The following AGPAT5 variants were observed in gnomAD, a reference collection of about 807,000 sequenced individuals.
AGPAT5 encodes the protein 1-acyl-sn-glycerol-3-phosphate acyltransferase epsilon.
Under a neutral mutation model 45.6 loss-of-function variants are expected in AGPAT5, and 46 were observed. The observed-to-expected ratio is 1.01, with a 90% CI of 0.80 to 1.29. AGPAT5 has a LOEUF of 1.29. Ranked by LOEUF, AGPAT5 falls within the 50% of genes most tolerant of loss-of-function variation. The pLI, the probability that AGPAT5 is intolerant of heterozygous loss-of-function variation, is 0.00. For synonymous variants in AGPAT5, 272 were observed against 167.0 expected (o/e 1.63, Z -4.85); for missense variants, 673 against 450.7 (o/e 1.49, Z -4.47).
intron 1 of AGPAT5, among the ~76,000 whole-genome samples, chr8:6,723,999 A>G (rs2980687): frequency 0.064 from 9,734 of 152,306 alleles, 415 homozygotes; most frequent in African/African-American, 0.12. Flanking sequence ...ACTTAGCACC[A>G]TTAGCAGCCA....
intron 4 of AGPAT5, among the ~76,000 whole-genome samples, chr8:6,736,516 T>G (rs1384288970): frequency 6.6e-6 from 1 of 152,262 alleles, no homozygotes; most frequent in Non-Finnish European, 1.5e-5. Context: ...TCTGAGTCAC[T>G]TGTTTTCTGC....
At chr8:6,736,435 T>C (rs1432560772) in intron 4 of AGPAT5, among the ~76,000 whole-genome samples, 1 of 152,248 alleles carries the variant, frequency 6.6e-6, no homozygotes, top group African/African-American at 2.4e-5. Context: ...TTCAAGCTTG[T>C]CTTTGTTTCT....
intron 2 of AGPAT5, among the ~76,000 whole-genome samples, chr8:6,728,953 T>C (rs540639969): frequency 6.6e-6 from 1 of 152,358 alleles, no homozygotes; most frequent in African/African-American, 2.4e-5. Context: ...TATAGATATC[T>C]CAACCCAATA....
chr8:6,711,746 T>C (rs1319149296), intron 1 of AGPAT5, among the ~76,000 whole-genome samples: 1 of 152,184 alleles, frequency 6.6e-6, no homozygotes, highest in African/African-American at 2.4e-5. Flanking sequence ...GAATCCGTTC[T>C]TGTGGGTTTC....
intron 5 of AGPAT5, among the ~76,000 whole-genome samples, chr8:6,746,626 C>G (rs1040421564): frequency 1.3e-5 from 2 of 152,110 alleles, no homozygotes; most frequent in African/African-American, 2.4e-5. Flanking sequence ...TTTAACTGCC[C>G]CTGCCCTGGG....
intron 6 of AGPAT5, among the ~76,000 whole-genome samples, chr8:6,748,066 C>A (rs1291901239): frequency 6.6e-6 from 1 of 152,110 alleles, no homozygotes; most frequent in Non-Finnish European, 1.5e-5. Context: ...ATTAATCCAG[C>A]CTCTTTCTAC....
intron 1 of AGPAT5, among the ~76,000 whole-genome samples, chr8:6,712,843 G>A (rs1351364111): frequency 1.3e-5 from 2 of 152,198 alleles, no homozygotes; most frequent in African/African-American, 4.8e-5. Flanking sequence ...CTGTGAAGCT[G>A]ATAAATGTTA....
At chr8:6,716,483 C>A (rs1428081602) in intron 1 of AGPAT5, among the ~76,000 whole-genome samples, 1 of 151,982 alleles carries the variant, frequency 6.6e-6, no homozygotes, top group African/African-American at 2.4e-5. Flanking sequence ...ATCACTTGAA[C>A]ATGGGAGGTA....
intron 1 of AGPAT5, among the ~76,000 whole-genome samples, chr8:6,719,679 A>C (rs978550034): frequency 6.6e-6 from 1 of 152,218 alleles, no homozygotes; most frequent in Non-Finnish European, 1.5e-5. Context: ...TTACCACCCA[A>C]ACAAGCTAAG....
chr8:6,727,629 C>T (rs1367504645), intron 2 of AGPAT5, among the ~76,000 whole-genome samples: 1 of 152,238 alleles, frequency 6.6e-6, no homozygotes, highest in Admixed American at 6.5e-5. Context: ...GATCTGCCTG[C>T]CTCGGCCTCC....
intron 6 of AGPAT5, among the ~76,000 whole-genome samples, chr8:6,752,183 A>T (rs974278314): frequency 2.0e-5 from 3 of 152,202 alleles, no homozygotes; most frequent in Non-Finnish European, 4.4e-5. Flanking sequence ...CCTAAAAAAA[A>T]AGGGATCAGG....
chr8:6,748,932 C>T (rs1587061654), intron 6 of AGPAT5, among the ~76,000 whole-genome samples: 1 of 152,234 alleles, frequency 6.6e-6, no homozygotes, highest in East Asian at 1.9e-4. Context: ...AGTTGATGTG[C>T]CTTGGAAATT....
rs1319083289 is a variant in AGPAT5 at position 6,755,995 on chromosome 8, T to A, written c.869+821T>A. ...AATATGTTCTCAGAAAAAAGACTAA[T>A]GTATTTAATGTCCTACTTATTTTAT... On this transcript the variant is annotated intron_variant, in intron 7 of 7. Transcript: ENST00000285518. 2.0e-5 allele frequency among the ~76,000 whole-genome samples: 3 copies of A among 152,358 alleles called. No individual in the cohort carries two copies. In the East Asian group the frequency reaches 5.8e-4, roughly 29 times the overall value.
At chr8:6,716,705 T>C (rs1157637008) in intron 1 of AGPAT5, among the ~76,000 whole-genome samples, 1 of 152,048 alleles carries the variant, frequency 6.6e-6, no homozygotes, top group Non-Finnish European at 1.5e-5. Flanking sequence ...TGGTGGTGCC[T>C]GCCTGTAATC....
intron 4 of AGPAT5, among the ~76,000 whole-genome samples, chr8:6,736,014 C>T (rs572969405): frequency 9.9e-5 from 15 of 151,996 alleles, no homozygotes; most frequent in East Asian, 3.9e-4. Context: ...CCGCCATGCC[C>T]GGCTAATTTT....
chr8:6,746,261 C>G (rs1455566582), intron 5 of AGPAT5: 1 of 152,212 alleles, frequency 6.6e-6, no homozygotes. Flanking sequence ...CGCAGGCATG[C>G]TCTGCATGTC....
At chr8:6,734,870 G>T (rs1248607553) in intron 4 of AGPAT5, among the ~76,000 whole-genome samples, 2 of 152,032 alleles carry the variant, frequency 1.3e-5, no homozygotes, top group African/African-American at 4.8e-5. Context: ...TCATTACTTT[G>T]TTTGTAGGTT....
intron 4 of AGPAT5, among the ~76,000 whole-genome samples, chr8:6,736,305 G>C (rs71525763): frequency 3.3e-5 from 5 of 151,994 alleles, no homozygotes; most frequent in African/African-American, 1.2e-4. Flanking sequence ...TCCTTTTTCT[G>C]TTCTAAAATA....
intron 1 of AGPAT5, among the ~76,000 whole-genome samples, chr8:6,722,718 T>C (rs982104036): frequency 2.6e-5 from 4 of 152,234 alleles, no homozygotes; most frequent in African/African-American, 9.6e-5. Context: ...GTGTGCAAGA[T>C]AAATAAGTTT....
Sources: allele counts gnomAD v4.1 joint callset (sites outside exome capture counted in the v4.1 genomes callset), GRCh38; gene constraint gnomAD v4.1.1; transcripts MANE v1.5; gene names NCBI Gene and HGNC (gene_info 2026-07-23, HGNC 2026-07-21).